Variants in CD47 observed in about 807,000 individuals in gnomAD.
CD47 encodes the protein CD47 molecule, also known as leukocyte surface antigen CD47.
In CD47, 11 loss-of-function variants were observed where a neutral mutation model predicts 44.6. The ratio of observed to expected loss-of-function variants is 0.25; its 90% confidence interval spans 0.16 to 0.41. CD47 has a LOEUF of 0.41. Among genes scored for constraint, CD47 ranks in the 10% least tolerant of loss-of-function variants. CD47 has a pLI of 1.00. For synonymous variants in CD47, 140 were observed against 136.3 expected (o/e 1.03, Z -0.19); for missense variants, 306 against 386.7 (o/e 0.79, Z 1.75).
At position 108,047,167 on chromosome 3, in the gene CD47, C is replaced by A; in HGVS notation, c.*121G>T. The A allele has an allele frequency of 1.5e-6, 1 of 683,366 alleles. No homozygotes were observed. The highest frequency in any genetic ancestry group is 2.5e-6 in the Non-Finnish European group (1 of 402,984). 42.3% of individuals were successfully genotyped at this position (683,366 alleles called of 1,614,324 possible). The stretch of plus-strand genomic sequence containing the variant: ...ACGTAAGGGTCTCATAGGTGACAAC[C>A]AGTTACTTTTCTTGTTTCTTCTCCC... On this transcript the variant is annotated 3_prime_UTR_variant, in exon 11 of 11. Coordinates refer to ENST00000361309, the MANE Select transcript of CD47 (RefSeq NM_001777.4).
At chr3:108,057,611 A>G in intron 6 of CD47, 42 bp from the exon 7 acceptor site, 1 of 981,468 alleles carries the variant, frequency 1.0e-6, no homozygotes. Context: ...AAGCATATGA[A>G]ATAACTTACT....
At chr3:108,058,247 A>G in intron 6 of CD47, 90 bp downstream of exon 6, 3 of 752,718 alleles carry the variant, frequency 4.0e-6, no homozygotes, top group Non-Finnish European at 6.1e-6. Flanking sequence ...AAGTCTATAT[A>G]TTTTTAAAAA....
At chr3:108,057,792 T>G (rs1012738281) in intron 6 of CD47, among the ~76,000 whole-genome samples, 3 of 152,160 alleles carry the variant, frequency 2.0e-5, no homozygotes, top group Non-Finnish European at 4.4e-5. Context: ...TGGGAACTGG[T>G]GTTTCAAGTC....
At chr3:108,058,882 G>A (rs567932144) in intron 5 of CD47, among the ~76,000 whole-genome samples, 2 of 152,244 alleles carry the variant, frequency 1.3e-5, no homozygotes, top group African/African-American at 2.4e-5. Flanking sequence ...CCAGAGATAG[G>A]CTCTAAGACC....
intron 2 of CD47, among the ~76,000 whole-genome samples, chr3:108,074,759 T>C (rs2079276919): frequency 6.6e-6 from 1 of 151,848 alleles, no homozygotes; most frequent in Admixed American, 6.6e-5. Context: ...ATTCTCTCAG[T>C]TTGAAATCAC....
rs993783034 is a variant in CD47, at chr3:108,088,915, A to G, written c.46+1948T>C. Among the ~76,000 whole-genome samples, 3 of 152,360 alleles carry G rather than the reference A, an allele frequency of 2.0e-5. No homozygotes were observed. The South Asian group carries it at 6.2e-4, about 32-fold the overall frequency. ...TTACCACAAAGGCCACTAACACTGT[A>G]GAGGGTGCCAGGAAAGGTCCCTGAT... On this transcript the variant is annotated intron_variant, in intron 1 of 10. Transcript: ENST00000361309.
chr3:108,087,229 T>C (rs1312613108), intron 1 of CD47, among the ~76,000 whole-genome samples: 3 of 152,124 alleles, frequency 2.0e-5, no homozygotes, highest in African/African-American at 7.2e-5. Context: ...CTAGCTACAC[T>C]GGGTTACGTA....
At chr3:108,068,826 A>G (rs2079147963) in intron 3 of CD47, among the ~76,000 whole-genome samples, 1 of 152,208 alleles carries the variant, frequency 6.6e-6, no homozygotes, top group Non-Finnish European at 1.5e-5. Flanking sequence ...TTTAAATGTG[A>G]GCGCAGGCTG....
chr3:108,072,024 A>T (rs545401196), intron 2 of CD47, among the ~76,000 whole-genome samples: 1 of 152,362 alleles, frequency 6.6e-6, no homozygotes, highest in Non-Finnish European at 1.5e-5. Flanking sequence ...ATATATCCAC[A>T]TATCCTATAT....
rs765922796 is a variant in CD47 at position 108,090,832 on chromosome 3, G to C, written c.46+31C>G. On this transcript the variant is annotated intron_variant, in intron 1 of 10. Transcript: ENST00000361309. ...CGCCCGCGGGGGCGAAGCGACAGCAGCCGCAGGGCTGGGAGCGAGGAGCCA... is the reference window on the plus strand; with the variant it reads ...CGCCCGCGGGGGCGAAGCGACAGCACCCGCAGGGCTGGGAGCGAGGAGCCA... 1.8e-5 allele frequency: 26 copies of C among 1,465,214 alleles called. No homozygotes were observed. In the African/African-American group the frequency reaches 3.7e-4, roughly 21 times the overall value. The allele number at this position is 1,465,214 out of a possible 1,614,324, so 90.8% of individuals were successfully genotyped here.
chr3:108,062,674 A>C (rs2079035498), intron 3 of CD47, among the ~76,000 whole-genome samples: 2 of 142,706 alleles, frequency 1.4e-5, no homozygotes, highest in Admixed American at 7.2e-5. Flanking sequence ...AGAGTCTCTC[A>C]CTCCGTTACC....
chr3:108,087,228 C>T (rs1021108592), intron 1 of CD47, among the ~76,000 whole-genome samples: 5 of 152,116 alleles, frequency 3.3e-5, no homozygotes, highest in African/African-American at 1.2e-4. Context: ...TCTAGCTACA[C>T]TGGGTTACGT....
At chr3:108,078,070 G>C (rs2079342078) in intron 2 of CD47, among the ~76,000 whole-genome samples, 1 of 152,012 alleles carries the variant, frequency 6.6e-6, no homozygotes, top group Admixed American at 6.6e-5. Context: ...TTTTCATATT[G>C]TGTCACATAA....
At chr3:108,073,930 A>G (rs1383017805) in intron 2 of CD47, among the ~76,000 whole-genome samples, 1 of 152,212 alleles carries the variant, frequency 6.6e-6, no homozygotes, top group Non-Finnish European at 1.5e-5. Context: ...GAAGATGACT[A>G]GAATGGGGAT....
At chr3:108,079,389 A>C (rs1237828353) in intron 2 of CD47, among the ~76,000 whole-genome samples, 1 of 151,802 alleles carries the variant, frequency 6.6e-6, no homozygotes, top group African/African-American at 2.4e-5. Flanking sequence ...TGAATAAATG[A>C]ATTTGAATCT....
chr3:108,062,855 A>G (rs1323193430), intron 3 of CD47, among the ~76,000 whole-genome samples: 1 of 146,630 alleles, frequency 6.8e-6, no homozygotes, highest in African/African-American at 2.5e-5. Context: ...GGGGTTTCAC[A>G]TTGTTGGCCA....
At chr3:108,049,094 ATCTCTCTC>A (rs55708779) in intron 10 of CD47, among the ~76,000 whole-genome samples, 23,775 of 128,964 alleles carry the variant, frequency 0.18, 2,529 homozygotes, top group Middle Eastern at 0.24. Context: ...AGGACGAAAC[ATCTCTCTC>A]TCTCTCTCTC....
intron 3 of CD47, among the ~76,000 whole-genome samples, chr3:108,068,721 A>AAT (rs1478541979): frequency 1.3e-5 from 2 of 152,216 alleles, no homozygotes; most frequent in Non-Finnish European, 2.9e-5. Context: ...TTCTGGGAGA[A>AAT]ATAAATGTCA....
intron 7 of CD47, among the ~76,000 whole-genome samples, chr3:108,055,859 G>C (rs936567381): frequency 4.6e-5 from 7 of 152,142 alleles, no homozygotes; most frequent in Non-Finnish European, 7.4e-5. Flanking sequence ...GTGGCAGATA[G>C]ACAATGCTTA....
Sources: allele counts gnomAD v4.1 joint callset (sites outside exome capture counted in the v4.1 genomes callset), GRCh38; gene constraint gnomAD v4.1.1; transcripts MANE v1.5; gene names NCBI Gene and HGNC (gene_info 2026-07-23, HGNC 2026-07-21).